ADGRG4: variants seen among roughly 807,000 people sequenced by gnomAD.
ADGRG4 encodes the protein G protein-coupled receptor 112.
Under a neutral mutation model 126.2 loss-of-function variants are expected in ADGRG4, and 122 were observed. The ratio of observed to expected loss-of-function variants is 0.97; its 90% CI spans 0.83 to 1.12. The LOEUF (loss-of-function observed/expected upper bound fraction) is 1.12. Among genes scored for constraint, ADGRG4 ranks in the 50% most tolerant of loss-of-function variants. The pLI is 0.00. For missense variants in ADGRG4, 2,481 were observed against 2,251.8 expected (o/e 1.10, Z -2.06); for synonymous variants, 943 against 838.7 (o/e 1.12, Z -2.15).
Position 136,345,648 on chromosome X carries a change from C to G in ADGRG4, c.1942C>G (p.Leu648Val). 2 of 1,211,071 alleles carry G rather than the reference C, an allele frequency of 1.7e-6. No individual in the cohort carries two copies. Among genetic ancestry groups the G allele is most frequent in the Non-Finnish European group, 2.2e-6 (2 of 894,884 alleles). ...ATCCACAACTGATGAAGCTGCCCAT[C>G]TGTTCTCCAGCAATGAGACCATTTG... ...PTSTTDEAAH[L>V]FSSNETIWTS... Residue 648 changes from leucine (L) to valine (V), a missense_variant, in exon 6 of 26, where the codon CTG (leucine) becomes GTG (valine). Physicochemically the swap from Leu to Val is conservative, Grantham distance 32 (BLOSUM62 1). Coordinates refer to ENST00000394143, the MANE Select transcript of ADGRG4 (RefSeq NM_153834.4).
chrX:136,400,232 G>A, intron 21 of ADGRG4, 116 bp downstream of exon 21: 1 of 592,922 alleles, frequency 1.7e-6, no homozygotes, highest in Non-Finnish European at 2.6e-6. Flanking sequence ...CCTTGCTGGT[G>A]TTTGGGCATG....
intron 15 of ADGRG4, among the ~76,000 whole-genome samples, chrX:136,383,628 G>A (rs1258689292): frequency 9.0e-6 from 1 of 111,145 alleles, no homozygotes; most frequent in East Asian, 2.8e-4. Context: ...GGAGCGTGTA[G>A]TTTTTTTAAC....
intron 11 of ADGRG4, among the ~76,000 whole-genome samples, 179 bp downstream of exon 11, chrX:136,359,634 T>C (rs764995777): frequency 9.0e-6 from 1 of 110,882 alleles, no homozygotes; most frequent in East Asian, 2.8e-4. Context: ...TAAGAACTTA[T>C]GGAAGAACAG....
intron 16 of ADGRG4, among the ~76,000 whole-genome samples, chrX:136,390,331 C>T (rs367567710): frequency 1.8e-4 from 20 of 111,769 alleles, no homozygotes; most frequent in African/African-American, 6.2e-4. Flanking sequence ...GGTTTACAGG[C>T]ATGAGCCACC....
intron 15 of ADGRG4, among the ~76,000 whole-genome samples, chrX:136,376,986 T>C (rs902491391): frequency 9.0e-6 from 1 of 110,624 alleles, no homozygotes; most frequent in Non-Finnish European, 1.9e-5. Context: ...AGTACTATGT[T>C]GAACAGAAAT....
rs965002508 is a variant in ADGRG4, at chrX:136,402,284, C to CT, written c.8576-950dup. Reference sequence around the variant, plus strand: ...TTTTTAAAATAACAACAGAAGGGATCTTTTTTTTTTATTTTCAATATGTAA... The same window carrying CT: ...TTTTTAAAATAACAACAGAAGGGATCTTTTTTTTTTTATTTTCAATATGTAA... On this transcript the variant is annotated intron_variant, in intron 21 of 25. Coordinates refer to ENST00000394143, the MANE Select transcript of ADGRG4 (RefSeq NM_153834.4). Among the ~76,000 whole-genome samples, 44 of 108,336 alleles carry CT rather than the reference C, an allele frequency of 4.1e-4. No homozygotes were observed. The South Asian group carries it at 5.1e-3, about 13-fold the overall frequency. The allele number at this position is 108,336 out of a possible 115,157, so 94.1% of individuals were successfully genotyped here. A position where few individuals can be genotyped will look rare whatever the true frequency, so the allele number is the denominator to read the frequency against.
intron 10 of ADGRG4, 35 bp from the exon 11 acceptor site, chrX:136,359,257 C>A (rs372739674): frequency 1.7e-6 from 2 of 1,161,813 alleles, no homozygotes; most frequent in African/African-American, 3.6e-5. Context: ...CTTGACATAA[C>A]TGCAACAATC....
chrX:136,411,830 G>C (rs1461192210), intron 23 of ADGRG4, among the ~76,000 whole-genome samples: 1 of 112,775 alleles, frequency 8.9e-6, no homozygotes, highest in African/African-American at 3.2e-5. Context: ...AGGGATGCCA[G>C]GATGTCCTCA....
intron 4 of ADGRG4, among the ~76,000 whole-genome samples, chrX:136,318,280 G>A (rs2148448454): frequency 8.9e-6 from 1 of 111,994 alleles, no homozygotes; most frequent in African/African-American, 3.2e-5. Context: ...AAGCCGACAA[G>A]AAAGGACACA....
rs1486002025 is a variant in ADGRG4 at position 136,356,170 on chromosome X, G to C, written c.6927+5G>C. The C allele has an allele frequency of 1.7e-6, 2 of 1,161,035 alleles. No individual in the cohort carries two copies. The highest frequency in any genetic ancestry group is 1.2e-6 in the Non-Finnish European group (1 of 854,309). On this transcript the variant is annotated splice_donor_5th_base_variant and intron_variant, in intron 9 of 25. Transcript: ENST00000394143. ...ATGGTCATGGATCGAGCTATTGTAA[G>C]TAATTTTTCAAAATGAATCTACTTG... is the stretch of plus-strand genomic sequence containing the variant.
At chrX:136,305,793 T>C (rs985790730) in intron 3 of ADGRG4, among the ~76,000 whole-genome samples, 1 of 112,091 alleles carries the variant, frequency 8.9e-6, no homozygotes. Context: ...ATATATCCAA[T>C]TTAATTAAAG....
In ADGRG4 at chrX:136,347,386, T is replaced by G. The variant is rs772942726; in HGVS notation, c.3680T>G (p.Val1227Gly). 11 of 1,208,134 alleles carry G rather than the reference T, an allele frequency of 9.1e-6. No individual in the cohort carries two copies. Among genetic ancestry groups the G allele is most frequent in the Non-Finnish European group, 1.0e-5 (9 of 893,786 alleles). The change falls in exon 6 of 26, where the codon GTA (valine) becomes GGA (glycine). Residue 1227 changes from valine (V) to glycine (G), a missense_variant. Coordinates refer to ENST00000394143, the MANE Select transcript of ADGRG4 (RefSeq NM_153834.4). ...TCTGCCAATAAGTTGACTACTTCAG[T>G]AAACAGTCACATTTCTTCATCTGCC... Reference protein sequence around the residue: ...HISANKLTTSVNSHISSSATY... With the variant: ...HISANKLTTSGNSHISSSATY...
Position 136,344,804 on chromosome X carries a change from A to G in ADGRG4, c.1098A>G (p.Gln366=), listed in dbSNP as rs199740495. 9.1e-6 allele frequency: 11 copies of G among 1,205,787 alleles called. No individual in the cohort carries two copies. In the South Asian group the frequency reaches 1.8e-4, roughly 19 times the overall value. ...AAGCCATGGCTACTGAAATCTTTCA[A>G]CCACCTACACCTTCTAATTTCCTAT... ...MVEAMATEIF[Q]PPTPSNFLST... The change falls in exon 6 of 26, where the codon CAA becomes CAG. Residue 366 remains glutamine (Q), a synonymous_variant. Coordinates refer to ENST00000394143, the MANE Select transcript of ADGRG4 (RefSeq NM_153834.4).
chrX:136,408,403 G>T (rs1056475582), intron 23 of ADGRG4, among the ~76,000 whole-genome samples: 5 of 111,605 alleles, frequency 4.5e-5, no homozygotes, highest in Middle Eastern at 9.2e-3. Flanking sequence ...GTTGTCTACT[G>T]TTGCCATCTT....
intron 5 of ADGRG4, among the ~76,000 whole-genome samples, chrX:136,334,456 T>A (rs762963132): frequency 8.9e-6 from 1 of 111,973 alleles, no homozygotes; most frequent in East Asian, 2.8e-4. Context: ...CCATAAAAAT[T>A]TTAGACTATG....
intron 15 of ADGRG4, among the ~76,000 whole-genome samples, chrX:136,383,382 C>T (rs904676024): frequency 1.8e-5 from 2 of 111,855 alleles, no homozygotes; most frequent in Non-Finnish European, 3.8e-5. Context: ...TACCCCTAAA[C>T]ATATTTATCA....
intron 4 of ADGRG4, among the ~76,000 whole-genome samples, chrX:136,310,861 C>T (rs2074765151): frequency 9.0e-6 from 1 of 111,452 alleles, no homozygotes; most frequent in African/African-American, 3.3e-5. Flanking sequence ...AGAAGAGGGC[C>T]TAGGACTTAG....
chrX:136,389,651 G>A (rs1181843915), intron 16 of ADGRG4, among the ~76,000 whole-genome samples: 1 of 112,156 alleles, frequency 8.9e-6, no homozygotes, highest in Non-Finnish European at 1.9e-5. Context: ...GTCTCAGAGA[G>A]GGGAAGGAAT....
Position 136,346,261 on chromosome X carries a change from A to G in ADGRG4, c.2555A>G (p.Lys852Arg). The G allele has an allele frequency of 1.7e-6, 2 of 1,209,784 alleles. No individual in the cohort carries two copies. The highest frequency in any genetic ancestry group is 3.5e-5 in the South Asian group (2 of 56,661). ...GCAACTTCCCATTATCTTATGAGAAAATCAACTATAGCAGCAGTGGCTGAG... is the reference window on the plus strand; with the variant it reads ...GCAACTTCCCATTATCTTATGAGAAGATCAACTATAGCAGCAGTGGCTGAG... ...KEATSHYLMR[K>R]STIAAVAEVS... is the part of the protein sequence containing the mutation. Residue 852 changes from lysine to arginine, a missense_variant, in exon 6 of 26, where the codon AAA (lysine) becomes AGA (arginine). By Grantham distance (26) the Lys-to-Arg change is conservative. Transcript: ENST00000394143.
Sources: gnomAD v4.1 joint callset for allele counts (sites outside exome capture counted in the v4.1 genomes callset) on GRCh38, gnomAD v4.1.1 for gene constraint, MANE v1.5 for transcripts, NCBI Gene and HGNC (gene_info 2026-07-23, HGNC 2026-07-21) for gene names.